The following MSRA variants were observed in gnomAD, a reference collection of about 807,000 sequenced individuals.
MSRA encodes methionine sulfoxide reductase A, also known as mitochondrial peptide methionine sulfoxide reductase.
MSRA carries 54 observed loss-of-function variants against 31.3 expected under a neutral mutation model. That is an observed-to-expected ratio of 1.73 (90% CI 1.39 to 2.17). The LOEUF (loss-of-function observed/expected upper bound fraction) is 2.17, where lower values mean the gene tolerates loss of function less well. Ranked by LOEUF, MSRA falls within the 30% of genes most tolerant of loss-of-function variation. The pLI is 0.00. For missense variants in MSRA, 507 were observed against 300.9 expected, an observed-to-expected ratio of 1.69 and a Z score of -5.07; for synonymous variants, 169 against 116.5, an observed-to-expected ratio of 1.45 and a Z score of -2.90.
chr8:10,245,411 G>A (rs1341367550), intron 3 of MSRA, among the ~76,000 whole-genome samples, 188 bp downstream of exon 3: 1 of 152,188 alleles, frequency 6.6e-6, no homozygotes, highest in Non-Finnish European at 1.5e-5. Context: ...TCTTCCTGTG[G>A]AGTGCACCAT....
At chr8:10,327,172 T>C (rs1276478154) in intron 5 of MSRA, among the ~76,000 whole-genome samples, 1 of 152,228 alleles carries the variant, frequency 6.6e-6, no homozygotes, top group East Asian at 1.9e-4. Context: ...TCTGGAGTCA[T>C]TGTTAAATTA....
intron 2 of MSRA, among the ~76,000 whole-genome samples, chr8:10,226,000 C>T (rs1427134627): frequency 1.3e-5 from 2 of 152,302 alleles, no homozygotes; most frequent in African/African-American, 4.8e-5. Context: ...CTCAGATTCA[C>T]TGCACAGTAA....
chr8:10,199,128 G>C (rs1808256304), intron 1 of MSRA, among the ~76,000 whole-genome samples: 1 of 152,106 alleles, frequency 6.6e-6, no homozygotes, highest in Non-Finnish European at 1.5e-5. Context: ...GCAGAATCAT[G>C]GATGCCTGCT....
At chr8:10,068,736 C>T (rs1014320623) in intron 1 of MSRA, among the ~76,000 whole-genome samples, 3 of 152,144 alleles carry the variant, frequency 2.0e-5, no homozygotes, top group Admixed American at 6.6e-5. Context: ...TTGTTCTTCT[C>T]CTTTAATATT....
At chr8:10,082,546 T>C (rs916239613) in intron 1 of MSRA, among the ~76,000 whole-genome samples, 1 of 152,182 alleles carries the variant, frequency 6.6e-6, no homozygotes, top group Admixed American at 6.5e-5. Flanking sequence ...ATCCGTGCAC[T>C]AAGGGTCTCA....
intron 3 of MSRA, among the ~76,000 whole-genome samples, chr8:10,257,461 C>T (rs977141525): frequency 6.6e-6 from 1 of 152,158 alleles, no homozygotes; most frequent in South Asian, 2.1e-4. Context: ...GGCTGGAGTG[C>T]AATGGCGTGA....
chr8:10,294,981 T>G (rs773787377), intron 3 of MSRA, among the ~76,000 whole-genome samples: 2 of 151,932 alleles, frequency 1.3e-5, no homozygotes, highest in Non-Finnish European at 2.9e-5. Context: ...AACTGGGAGG[T>G]TGCTGAGAGA....
intron 1 of MSRA, among the ~76,000 whole-genome samples, chr8:10,198,792 T>G (rs557909384): frequency 6.6e-6 from 1 of 152,248 alleles, no homozygotes; most frequent in South Asian, 2.1e-4. Context: ...CCTGGCTAAC[T>G]TATTTATTTA....
chr8:10,098,695 G>A (rs748891609), intron 1 of MSRA, among the ~76,000 whole-genome samples: 1 of 152,162 alleles, frequency 6.6e-6, no homozygotes, highest in Non-Finnish European at 1.5e-5. Context: ...TGTATTACAC[G>A]TAGCTGTAAG....
chr8:10,279,717 T>C (rs1317727392), intron 3 of MSRA, among the ~76,000 whole-genome samples: 1 of 152,240 alleles, frequency 6.6e-6, no homozygotes, highest in Non-Finnish European at 1.5e-5. Flanking sequence ...TGTGAGCTAT[T>C]GAGCAACGTC....
intron 3 of MSRA, among the ~76,000 whole-genome samples, chr8:10,281,816 A>G (rs1799638436): frequency 1.3e-5 from 2 of 152,310 alleles, no homozygotes; most frequent in Non-Finnish European, 2.9e-5. Context: ...GAAGGCTATT[A>G]TCGAGCTGGG....
chr8:10,237,684 C>T (rs1045688384), intron 2 of MSRA, among the ~76,000 whole-genome samples: 1 of 152,246 alleles, frequency 6.6e-6, no homozygotes, highest in African/African-American at 2.4e-5. Context: ...TCTGCTCCAT[C>T]CACAAGGTTC....
At chr8:10,143,546 G>C (rs1012930965) in intron 1 of MSRA, among the ~76,000 whole-genome samples, 5 of 152,106 alleles carry the variant, frequency 3.3e-5, no homozygotes, top group Non-Finnish European at 5.9e-5. Context: ...ATCGACAATG[G>C]CATAGATCAA....
At chr8:10,241,406 C>T (rs181513087) in intron 2 of MSRA, among the ~76,000 whole-genome samples, 8 of 152,102 alleles carry the variant, frequency 5.3e-5, no homozygotes, top group Admixed American at 1.3e-4. Flanking sequence ...GTCATTGAAA[C>T]GATCAAATAT....
At chr8:10,395,769 A>G (rs544412956) in intron 5 of MSRA, among the ~76,000 whole-genome samples, 6 of 152,314 alleles carry the variant, frequency 3.9e-5, no homozygotes, top group East Asian at 1.9e-4. Context: ...CTGAAGTCCA[A>G]TGAAACCTGC....
chr8:10,206,634 G>A (rs1328499022), intron 1 of MSRA, among the ~76,000 whole-genome samples: 2 of 152,068 alleles, frequency 1.3e-5, no homozygotes, highest in African/African-American at 4.8e-5. Flanking sequence ...GATGACTCCT[G>A]GCCCTCACTG....
At chr8:10,246,216 C>A (rs988402614) in intron 3 of MSRA, among the ~76,000 whole-genome samples, 6 of 152,194 alleles carry the variant, frequency 3.9e-5, no homozygotes, top group African/African-American at 1.4e-4. Flanking sequence ...ACTATGTGGT[C>A]TGCAAAGCCT....
chr8:10,099,616 G>T (rs1168899067), intron 1 of MSRA, among the ~76,000 whole-genome samples: 1 of 152,220 alleles, frequency 6.6e-6, no homozygotes, highest in Non-Finnish European at 1.5e-5. Context: ...AGTCTTATTT[G>T]ACTAAGAGAG....
chr8:10,127,400 A>C (rs533481783), intron 1 of MSRA, among the ~76,000 whole-genome samples: 15 of 152,332 alleles, frequency 9.8e-5, no homozygotes, highest in African/African-American at 3.6e-4. Context: ...GAATACATGA[A>C]TTAAATCTAT....
Sources: gnomAD v4.1 joint callset for allele counts (sites outside exome capture counted in the v4.1 genomes callset) on GRCh38, gnomAD v4.1.1 for gene constraint, MANE v1.5 for transcripts, NCBI Gene and HGNC (gene_info 2026-07-23, HGNC 2026-07-21) for gene names.